CTNNA1: variants seen among roughly 807,000 people sequenced by gnomAD.
The protein encoded by CTNNA1 is catenin alpha 1.
Under a neutral mutation model 98.4 loss-of-function variants are expected in CTNNA1, and 37 were observed. That is an observed-to-expected ratio of 0.38 (90% CI 0.29 to 0.49). The LOEUF (loss-of-function observed/expected upper bound fraction) is 0.49. CTNNA1 is among the 20% of genes least tolerant of loss of function. CTNNA1 has a pLI of 0.95. For synonymous variants in CTNNA1, 404 were observed against 413.2 expected (o/e 0.98, Z 0.27); for missense variants, 761 against 1,147.2 (o/e 0.66, Z 4.86).
At chr5:138,852,739 C>T (rs1461094394) in intron 7 of CTNNA1, among the ~76,000 whole-genome samples, 1 of 152,034 alleles carries the variant, frequency 6.6e-6, no homozygotes, top group Non-Finnish European at 1.5e-5. Context: ...CTCCTCCCTC[C>T]TTCTACCCGC....
chr5:138,908,162 A>G (rs1439379954), intron 10 of CTNNA1, among the ~76,000 whole-genome samples: 1 of 151,928 alleles, frequency 6.6e-6, no homozygotes, highest in African/African-American at 2.4e-5. Flanking sequence ...ATTTTTTAGT[A>G]GAGATGGGGT....
At chr5:138,899,851 A>G (rs61385430) in intron 9 of CTNNA1, among the ~76,000 whole-genome samples, 1,975 of 152,356 alleles carry the variant, frequency 0.013, 49 homozygotes, top group African/African-American at 0.04. Context: ...TGTATACCAT[A>G]AAATTAACCA....
At chr5:138,917,634 T>C in intron 10 of CTNNA1, 108 bp from the exon 11 acceptor site, 1 of 1,077,516 alleles carries the variant, frequency 9.3e-7, no homozygotes. Flanking sequence ...TTCATCTTTG[T>C]GATAGTTAGG....
At chr5:138,879,036 C>A (rs1376481228) in intron 7 of CTNNA1, among the ~76,000 whole-genome samples, 2 of 152,024 alleles carry the variant, frequency 1.3e-5, no homozygotes, top group East Asian at 1.9e-4. Flanking sequence ...GTGGTGAAAT[C>A]CCGTCTCTAC....
chr5:138,764,243 G>A (rs1400023061), intron 1 of CTNNA1, among the ~76,000 whole-genome samples: 3 of 151,928 alleles, frequency 2.0e-5, no homozygotes, highest in Admixed American at 2.0e-4. Flanking sequence ...GCACATGCCT[G>A]TAATCCCAGT....
intron 5 of CTNNA1, among the ~76,000 whole-genome samples, chr5:138,813,894 A>C (rs1197727609): frequency 6.6e-6 from 1 of 152,198 alleles, no homozygotes; most frequent in Non-Finnish European, 1.5e-5. Flanking sequence ...CTGGGATTAC[A>C]GGCATGAGCC....
At chr5:138,906,801 AT>A (rs546671370) in intron 10 of CTNNA1, among the ~76,000 whole-genome samples, 223 of 152,312 alleles carry the variant, frequency 1.5e-3, no homozygotes, top group Non-Finnish European at 2.7e-3. Context: ...AAGTGTGATT[AT>A]TCTTCAGATT....
At chr5:138,841,077 A>G (rs1331451092) in intron 7 of CTNNA1, among the ~76,000 whole-genome samples, 2 of 152,098 alleles carry the variant, frequency 1.3e-5, no homozygotes, top group Admixed American at 1.3e-4. Flanking sequence ...TATATTTCTC[A>G]GTCATAATGC....
At chr5:138,798,285 A>G (rs1224597582) in intron 3 of CTNNA1, among the ~76,000 whole-genome samples, 2 of 152,216 alleles carry the variant, frequency 1.3e-5, no homozygotes, top group African/African-American at 4.8e-5. Flanking sequence ...TTTTACAGAA[A>G]AGAAAACAGC....
intron 7 of CTNNA1, among the ~76,000 whole-genome samples, chr5:138,833,836 C>T (rs1316917958): frequency 6.6e-6 from 1 of 152,144 alleles, no homozygotes; most frequent in African/African-American, 2.4e-5. Flanking sequence ...GATAATGTTT[C>T]TTAAGGATAC....
chr5:138,799,906 G>T (rs561145855), intron 3 of CTNNA1, among the ~76,000 whole-genome samples: 60 of 150,872 alleles, frequency 4.0e-4, no homozygotes, highest in African/African-American at 1.4e-3. Context: ...GTGTGTATGT[G>T]TGTATTTAGA....
At chr5:138,924,813 C>A in intron 12 of CTNNA1, 103 bp downstream of exon 12, 1 of 1,095,642 alleles carries the variant, frequency 9.1e-7, no homozygotes, top group Non-Finnish European at 1.3e-6. Context: ...GAGTTGGGAA[C>A]TCAGATTTGG....
intron 7 of CTNNA1, among the ~76,000 whole-genome samples, chr5:138,864,604 C>CT (rs945002425): frequency 6.6e-6 from 1 of 152,136 alleles, no homozygotes; most frequent in African/African-American, 2.4e-5. Flanking sequence ...AAATTATAAA[C>CT]TAAATCCTCC....
intron 9 of CTNNA1, among the ~76,000 whole-genome samples, chr5:138,900,405 A>G (rs917510943): frequency 2.0e-5 from 3 of 152,168 alleles, no homozygotes; most frequent in South Asian, 4.1e-4. Flanking sequence ...TTAATTTATT[A>G]TCAAGAACAA....
chr5:138,885,300 C>G (rs1753794193), intron 7 of CTNNA1, among the ~76,000 whole-genome samples: 1 of 152,112 alleles, frequency 6.6e-6, no homozygotes, highest in South Asian at 2.1e-4. Flanking sequence ...GGGCTAAATT[C>G]CTTTGTTCAT....
chr5:138,849,552 A>T (rs1763009188), intron 7 of CTNNA1, among the ~76,000 whole-genome samples: 1 of 152,210 alleles, frequency 6.6e-6, no homozygotes, highest in Non-Finnish European at 1.5e-5. Flanking sequence ...GAAAAATCTT[A>T]TTAGGAAAAT....
intron 10 of CTNNA1, among the ~76,000 whole-genome samples, chr5:138,915,719 T>C (rs1465775086): frequency 6.6e-6 from 1 of 152,166 alleles, no homozygotes; most frequent in East Asian, 1.9e-4. Context: ...CAGAATCTTA[T>C]TCATCAACAA....
At chr5:138,764,787 G>A (rs889354880) in intron 1 of CTNNA1, among the ~76,000 whole-genome samples, 1 of 151,552 alleles carries the variant, frequency 6.6e-6, no homozygotes, top group Admixed American at 6.6e-5. Flanking sequence ...CATTTATTTC[G>A]GGTCTTTAAG....
chr5:138,892,090 T>C (rs554291979), intron 9 of CTNNA1, among the ~76,000 whole-genome samples: 3 of 152,136 alleles, frequency 2.0e-5, no homozygotes, highest in South Asian at 4.1e-4. Flanking sequence ...ATCTTACATA[T>C]ATGGATTGAT....
Sources: allele counts gnomAD v4.1 joint callset (sites outside exome capture counted in the v4.1 genomes callset), GRCh38; gene constraint gnomAD v4.1.1; transcripts MANE v1.5; gene names NCBI Gene and HGNC (gene_info 2026-07-23, HGNC 2026-07-21).